PCDHGA9: variants seen among roughly 807,000 people sequenced by gnomAD.
PCDHGA9 encodes protocadherin gamma subfamily A, 9, also known as protocadherin gamma-A9.
PCDHGA9 carries 37 observed loss-of-function variants against 62.5 expected under a neutral mutation model. That is an observed-to-expected ratio of 0.59 (90% confidence interval 0.46 to 0.78). The LOEUF is 0.78. Among genes scored for constraint, PCDHGA9 ranks in the 30% least tolerant of loss-of-function variants. PCDHGA9 has a pLI of 0.00. For missense variants in PCDHGA9, 1,138 were observed against 1,166.2 expected, an observed-to-expected ratio of 0.98 and a Z score of 0.35; for synonymous variants, 459 against 484.6, an observed-to-expected ratio of 0.95 and a Z score of 0.69.
At position 141,491,960 on chromosome 5, in the gene PCDHGA9, A is replaced by T. The variant is rs1380758016; in HGVS notation, c.2425-2847A>T. The T allele has an allele frequency of 1.0e-6, 1 of 984,842 alleles. No individual in the cohort carries two copies. The highest frequency in any genetic ancestry group is 3.0e-5 in the East Asian group (1 of 33,312). 61.0% of individuals were successfully genotyped at this position (984,842 alleles called of 1,614,324 possible). A position where few individuals can be genotyped will look rare whatever the true frequency, so the allele number is the denominator to read the frequency against. On this transcript the variant is annotated intron_variant, in intron 1 of 3. Coordinates refer to ENST00000573521, the MANE Select transcript of PCDHGA9 (RefSeq NM_018921.3). The surrounding 1 kb of genome is among the most constrained non-coding windows in gnomAD (Gnocchi z 6.9). ...CGACCCCCACCCCTACACTCAAAAA[A>T]GGCCGGGGCCTCCTTCGAGCTTCCG...
intron 1 of PCDHGA9, chr5:141,430,816 C>G: frequency 6.5e-7 from 1 of 1,538,128 alleles, no homozygotes. Context: ...TGGGAATCCT[C>G]CTGGGGACTC....
intron 1 of PCDHGA9, chr5:141,415,883 G>C: frequency 1.0e-6 from 1 of 984,090 alleles, no homozygotes; most frequent in Non-Finnish European, 1.4e-6. Context: ...GTACAATATT[G>C]ACAATTCCTA....
In PCDHGA9 at chr5:141,450,775, C is replaced by T. The variant is rs561501224; in HGVS notation, c.2425-44032C>T. ...GTGCCGGGATTACAGGCATGAGCCA[C>T]CGTGCCCGGACCTCATGATTGTATT... On this transcript the variant is annotated intron_variant, in intron 1 of 3. Coordinates refer to ENST00000573521, the MANE Select transcript of PCDHGA9 (RefSeq NM_018921.3). Among the ~76,000 whole-genome samples the T allele has an allele frequency of 2.3e-3, 352 of 151,748 alleles. 1 individual carries two copies. The highest frequency in any genetic ancestry group is 4.5e-3 in the Non-Finnish European group (306 of 67,958).
chr5:141,405,901 G>A (rs954255473), intron 1 of PCDHGA9, among the ~76,000 whole-genome samples: 1 of 152,092 alleles, frequency 6.6e-6, no homozygotes, highest in Non-Finnish European at 1.5e-5. Context: ...ACTGAAAGGA[G>A]GCATTTATTA....
chr5:141,509,143 C>G (rs1022878562), intron 3 of PCDHGA9, among the ~76,000 whole-genome samples: 1 of 152,256 alleles, frequency 6.6e-6, no homozygotes, highest in African/African-American at 2.4e-5. Context: ...AGGCGCATCC[C>G]GGCTCTCCCC....
chr5:141,489,288 G>A lies in PCDHGA9; in HGVS notation c.2425-5519G>A. 6.3e-7 allele frequency: 1 copy of A among 1,575,870 alleles called. No homozygotes were observed. Among genetic ancestry groups the A allele is most frequent in the Non-Finnish European group, 8.6e-7 (1 of 1,161,152 alleles). On this transcript the variant is annotated intron_variant, in intron 1 of 3. Coordinates refer to ENST00000573521, the MANE Select transcript of PCDHGA9 (RefSeq NM_018921.3). The surrounding 1 kb of genome is among the most constrained non-coding windows in gnomAD (Gnocchi z 4.5). ...AGCTCGCTGGGAAATGGCAAGTGCT[G>A]TGCATGTTGTCCTTGTGCTGCTGGG...
At chr5:141,449,436 A>T (rs1177598228) in intron 1 of PCDHGA9, among the ~76,000 whole-genome samples, 1 of 151,792 alleles carries the variant, frequency 6.6e-6, no homozygotes, top group African/African-American at 2.4e-5. Flanking sequence ...ATAAAACTCC[A>T]TCTCTACTAA....
intron 1 of PCDHGA9, chr5:141,426,414 G>A (rs2096934345): frequency 3.5e-6 from 1 of 287,986 alleles, no homozygotes; most frequent in Admixed American, 4.4e-5. Context: ...AAACGGTCCA[G>A]GGCTCCGTGG....
In PCDHGA9 at chr5:141,432,139, T is replaced by A. The variant is rs950514553; in HGVS notation, c.2424+26763T>A. ...TCCCTCAGGCCTCCTATTCCGCTTA[T>A]ATCCCAGAGAACAATCCCAGAGGAG... is the stretch of plus-strand genomic sequence containing the variant. On this transcript the variant is annotated intron_variant, in intron 1 of 3. Transcript: ENST00000573521. The surrounding 1 kb of genome is among the most constrained non-coding windows in gnomAD (Gnocchi z 6.0). The A allele has an allele frequency of 6.8e-6, 11 of 1,613,976 alleles. No individual in the cohort carries two copies. Among genetic ancestry groups the A allele is most frequent in the Non-Finnish European group, 9.3e-6 (11 of 1,180,032 alleles).
In PCDHGA9 at chr5:141,404,948, G is replaced by A. The variant is rs756928954; in HGVS notation, c.1996G>A (p.Asp666Asn). ...ATVTLTVAIA[D>N]SIPDILADLG... ...TGTCACGCTCACAGTAGCCATAGCT[G>A]ACAGCATCCCAGACATCCTGGCTGA... Residue 666 changes from aspartate (D) to asparagine (N), a missense_variant, in exon 1 of 4, where the codon GAC becomes AAC. Transcript: ENST00000573521. 5 of 1,613,838 alleles carry A rather than the reference G, an allele frequency of 3.1e-6. No homozygotes were observed. Among genetic ancestry groups the A allele is most frequent in the African/African-American group, 1.3e-5 (1 of 74,912 alleles).
chr5:141,475,955 C>A, intron 1 of PCDHGA9: 1 of 800,218 alleles, frequency 1.2e-6, no homozygotes, highest in Non-Finnish European at 1.9e-6. Flanking sequence ...TTCTGCGCCC[C>A]GGGATGAGGC....
chr5:141,421,799 A>G (rs778353620), intron 1 of PCDHGA9: 1 of 1,613,860 alleles, frequency 6.2e-7, no homozygotes, highest in South Asian at 1.1e-5. Flanking sequence ...GATGGGGCCA[A>G]GAATCCAGAG....
At chr5:141,412,906 T>G in intron 1 of PCDHGA9, 1 of 384,208 alleles carries the variant, frequency 2.6e-6, no homozygotes, top group Non-Finnish European at 4.6e-6. Context: ...TTCCATTGCA[T>G]GTATCACTTG....
At chr5:141,505,308 G>A in intron 2 of PCDHGA9, 85 bp from the exon 3 acceptor site, 1 of 1,598,660 alleles carries the variant, frequency 6.3e-7, no homozygotes, top group Non-Finnish European at 8.5e-7. Flanking sequence ...TAGGGTACTA[G>A]GTTTGGGAGC....
intron 2 of PCDHGA9, among the ~76,000 whole-genome samples, chr5:141,496,410 A>G (rs77823969): frequency 0.019 from 2,839 of 152,308 alleles, 40 homozygotes; most frequent in Middle Eastern, 0.082. Context: ...ATGGTTGAGT[A>G]CTTGCTGTCC....
At chr5:141,416,010 A>T (rs968655183) in intron 1 of PCDHGA9, 5 of 245,908 alleles carry the variant, frequency 2.0e-5, no homozygotes, top group Non-Finnish European at 3.0e-5. Flanking sequence ...TGGTAAGAAT[A>T]GGTAAGTATC....
chr5:141,409,041 A>G lies in PCDHGA9; in HGVS notation c.2424+3665A>G, dbSNP rs981171621. On this transcript the variant is annotated intron_variant, in intron 1 of 3. Coordinates refer to ENST00000573521, the MANE Select transcript of PCDHGA9 (RefSeq NM_018921.3). ...GGGGTCAATGCTGAGATAAACTACT[A>G]CTTCCGAAGCACTGCCCAGAGCACA... The G allele has an allele frequency of 8.7e-6, 14 of 1,613,864 alleles. No homozygotes were observed. Among genetic ancestry groups the G allele is most frequent in the Non-Finnish European group, 7.6e-6 (9 of 1,179,894 alleles).
intron 1 of PCDHGA9, chr5:141,413,940 TC>T (rs1190444840): frequency 1.2e-6 from 2 of 1,613,390 alleles, no homozygotes; most frequent in East Asian, 2.2e-5. Context: ...GAGTGAGTGT[TC>T]CTGAGAATTT....
intron 1 of PCDHGA9, chr5:141,423,804 T>A: frequency 8.1e-7 from 1 of 1,240,508 alleles, no homozygotes; most frequent in Non-Finnish European, 1.0e-6. Context: ...GAGCAATACA[T>A]GTGAGTTTTA....
Sources: gnomAD v4.1 joint callset for allele counts (sites outside exome capture counted in the v4.1 genomes callset) on GRCh38, gnomAD v4.1.1 for gene constraint, Gnocchi (gnomAD v3.1) non-coding constraint, MANE v1.5 for transcripts, NCBI Gene and HGNC (gene_info 2026-07-23, HGNC 2026-07-21) for gene names.